MCC: variants seen among roughly 807,000 people sequenced by gnomAD.
MCC encodes colorectal mutant cancer protein.
A neutral mutation model predicts 116.2 loss-of-function variants in MCC; 90 were observed. The observed-to-expected ratio is 0.77, with a 90% CI of 0.65 to 0.92. The LOEUF (loss-of-function observed/expected upper bound fraction) is 0.92, where lower values mean the gene tolerates loss of function less well. Ranked by LOEUF, MCC falls within the 40% of genes least tolerant of loss-of-function variation. The probability of loss-of-function intolerance (pLI) is 0.00; values close to 1 mark genes in which losing one functional copy is unlikely to be tolerated. For missense variants in MCC, 1,516 were observed against 1,312.2 expected, an observed-to-expected ratio of 1.16 and a Z score of -2.40; for synonymous variants, 578 against 510.5, an observed-to-expected ratio of 1.13 and a Z score of -1.78.
intron 6 of MCC, among the ~76,000 whole-genome samples, chr5:113,117,510 C>A (rs998868887): frequency 2.6e-5 from 4 of 152,290 alleles, no homozygotes; most frequent in African/African-American, 4.8e-5. Context: ...GATATTTCAA[C>A]CTTGAGGGTA....
intron 12 of MCC, among the ~76,000 whole-genome samples, chr5:113,070,089 C>T (rs934120022): frequency 6.6e-6 from 1 of 152,206 alleles, no homozygotes; most frequent in Non-Finnish European, 1.5e-5. Flanking sequence ...CAACCAGCTT[C>T]AACGGTTATC....
chr5:113,268,412 C>T (rs991835431), intron 3 of MCC, among the ~76,000 whole-genome samples: 1 of 152,156 alleles, frequency 6.6e-6, no homozygotes, highest in Non-Finnish European at 1.5e-5. Context: ...TTAGGATGTA[C>T]CACTGTCATC....
chr5:113,141,027 C>G lies in MCC; in HGVS notation c.884+2191G>C, dbSNP rs142530281. ...AGACTGGTGTGTGAGTTGTTGGACT[C>G]GGGGAAGATCCACCCTTAGTGTGTG... On this transcript the variant is annotated intron_variant, in intron 5 of 18. Coordinates refer to ENST00000408903, the MANE Select transcript of MCC (RefSeq NM_001085377.2). Among the ~76,000 whole-genome samples, 436 of 152,202 alleles carry G rather than the reference C, an allele frequency of 2.9e-3. 1 individual carries two copies. The highest frequency in any genetic ancestry group is 0.01 in the African/African-American group (424 of 41,508).
intron 1 of MCC, among the ~76,000 whole-genome samples, chr5:113,457,972 C>G (rs1444430593): frequency 6.6e-6 from 1 of 152,102 alleles, no homozygotes; most frequent in Admixed American, 6.5e-5. Flanking sequence ...CACTCTGTAT[C>G]TAGCTAATCT....
intron 1 of MCC, among the ~76,000 whole-genome samples, chr5:113,476,420 G>A (rs751239488): frequency 9.2e-5 from 14 of 152,232 alleles, no homozygotes; most frequent in Non-Finnish European, 1.3e-4. Context: ...TTTTTGACAA[G>A]GGTGTCAAGA....
chr5:113,081,195 C>G (rs917599266), intron 11 of MCC, among the ~76,000 whole-genome samples: 4 of 152,106 alleles, frequency 2.6e-5, no homozygotes, highest in African/African-American at 9.7e-5. Flanking sequence ...TTTCTAAGAA[C>G]CCCCAGGTTC....
intron 3 of MCC, among the ~76,000 whole-genome samples, chr5:113,173,182 CCT>C (rs138644184): frequency 0.029 from 4,464 of 152,142 alleles, 93 homozygotes; most frequent in African/African-American, 0.037. Flanking sequence ...CTTAACAGAT[CCT>C]CTCTCTGATT....
At chr5:113,199,414 A>T (rs1762578828) in intron 3 of MCC, among the ~76,000 whole-genome samples, 1 of 152,198 alleles carries the variant, frequency 6.6e-6, no homozygotes, top group African/African-American at 2.4e-5. Context: ...AGTTTATATA[A>T]GGGGTCCTGA....
At chr5:113,149,772 A>T (rs533866040) in intron 4 of MCC, among the ~76,000 whole-genome samples, 9 of 152,310 alleles carry the variant, frequency 5.9e-5, no homozygotes, top group African/African-American at 1.9e-4. Context: ...GCTTGGAGAC[A>T]AGGTGTGCCA....
chr5:113,225,033 G>T (rs73244755), intron 3 of MCC, among the ~76,000 whole-genome samples: 4 of 152,088 alleles, frequency 2.6e-5, no homozygotes, highest in Non-Finnish European at 5.9e-5. Flanking sequence ...TGAAGAATGA[G>T]GCCACATCCA....
intron 1 of MCC, among the ~76,000 whole-genome samples, chr5:113,472,592 C>A (rs938623059): frequency 6.6e-6 from 1 of 152,168 alleles, no homozygotes; most frequent in African/African-American, 2.4e-5. Context: ...TCTGCTCTGA[C>A]AGTTATCAAA....
intron 14 of MCC, among the ~76,000 whole-genome samples, chr5:113,059,476 C>G (rs952370231): frequency 6.6e-6 from 1 of 152,210 alleles, no homozygotes; most frequent in Non-Finnish European, 1.5e-5. Context: ...AGGGTTAAGT[C>G]ATCCATTAAT....
At chr5:113,031,611 G>A (rs1750961220) in intron 17 of MCC, among the ~76,000 whole-genome samples, 3 of 152,124 alleles carry the variant, frequency 2.0e-5, no homozygotes, top group Admixed American at 2.0e-4. Flanking sequence ...AGTTAAAAAT[G>A]TAACCACAAA....
At chr5:113,301,927 A>T (rs1766872038) in intron 3 of MCC, among the ~76,000 whole-genome samples, 1 of 152,238 alleles carries the variant, frequency 6.6e-6, no homozygotes, top group Non-Finnish European at 1.5e-5. Flanking sequence ...TGCCACAGGA[A>T]GACTTTCTGC....
At chr5:113,190,644 G>A (rs1281209492) in intron 3 of MCC, among the ~76,000 whole-genome samples, 1 of 152,124 alleles carries the variant, frequency 6.6e-6, no homozygotes, top group African/African-American at 2.4e-5. Context: ...TTAGAATGGG[G>A]TGGGGTGAAG....
chr5:113,394,889 T>C (rs955176639), intron 1 of MCC, among the ~76,000 whole-genome samples: 13 of 152,258 alleles, frequency 8.5e-5, no homozygotes, highest in Admixed American at 7.8e-4. Flanking sequence ...ATCTAGTTTA[T>C]TGGAACAGAG....
At chr5:113,355,146 T>C (rs1768381198) in intron 2 of MCC, among the ~76,000 whole-genome samples, 1 of 152,126 alleles carries the variant, frequency 6.6e-6, no homozygotes, top group Non-Finnish European at 1.5e-5. Flanking sequence ...TAAAAATAAA[T>C]GCTGACCAAC....
chr5:113,111,105 T>C (rs193064163), intron 6 of MCC, among the ~76,000 whole-genome samples: 57 of 152,344 alleles, frequency 3.7e-4, no homozygotes, highest in African/African-American at 1.1e-3. Context: ...AGGTTATATT[T>C]TTCTAAGGAG....
intron 2 of MCC, among the ~76,000 whole-genome samples, chr5:113,383,103 T>C (rs769052723): frequency 1.3e-5 from 2 of 152,324 alleles, no homozygotes; most frequent in Non-Finnish European, 2.9e-5. Context: ...CAGTTCCTTT[T>C]AGGATTTTTA....
Sources: allele counts gnomAD v4.1 joint callset (sites outside exome capture counted in the v4.1 genomes callset), GRCh38; gene constraint gnomAD v4.1.1; transcripts MANE v1.5; gene names NCBI Gene and HGNC (gene_info 2026-07-23, HGNC 2026-07-21).